Variants in EYS observed in about 807,000 individuals in gnomAD.
The protein encoded by EYS is protein eyes shut homolog.
In EYS, 250 loss-of-function variants were observed where a neutral mutation model predicts 282.1. The ratio of observed to expected loss-of-function variants is 0.89; its 90% confidence interval spans 0.80 to 0.98. EYS has a LOEUF of 0.98. EYS is among the 50% of genes least tolerant of loss of function. The pLI is 0.00. For synonymous variants in EYS, 1,355 were observed against 1,282.9 expected, an observed-to-expected ratio of 1.06 and a Z score of -1.20; for missense variants, 4,016 against 3,709.0, an observed-to-expected ratio of 1.08 and a Z score of -2.15.
intron 14 of EYS, among the ~76,000 whole-genome samples, chr6:64,963,632 T>C (rs1024728978): frequency 6.6e-6 from 1 of 152,120 alleles, no homozygotes; most frequent in Non-Finnish European, 1.5e-5. Context: ...AGTGGTAAAT[T>C]AGTGAGGAAG....
intron 13 of EYS, among the ~76,000 whole-genome samples, chr6:65,008,224 G>A (rs570978075): frequency 6.1e-4 from 93 of 152,224 alleles, no homozygotes; most frequent in African/African-American, 2.1e-3. Context: ...AAATCCTACC[G>A]CCTTTCTGGA....
chr6:63,847,573 T>A (rs1772132739), intron 36 of EYS, among the ~76,000 whole-genome samples: 1 of 152,210 alleles, frequency 6.6e-6, no homozygotes, highest in Admixed American at 6.5e-5. Flanking sequence ...ATTACCCAGT[T>A]AAATTATTTT....
At chr6:65,613,394 A>C (rs763436630) in intron 2 of EYS, among the ~76,000 whole-genome samples, 7 of 151,882 alleles carry the variant, frequency 4.6e-5, no homozygotes, top group Non-Finnish European at 7.4e-5. Context: ...ACTGTTCATC[A>C]TAGTAATTAT....
intron 36 of EYS, among the ~76,000 whole-genome samples, chr6:63,844,595 T>C (rs1384928583): frequency 6.6e-6 from 1 of 152,218 alleles, no homozygotes; most frequent in Non-Finnish European, 1.5e-5. Context: ...TTTGCATTTC[T>C]CTAATGATTA....
chr6:65,449,739 C>A (rs1764338178), intron 5 of EYS, among the ~76,000 whole-genome samples: 1 of 152,018 alleles, frequency 6.6e-6, no homozygotes, highest in Admixed American at 6.6e-5. Flanking sequence ...CCTTTACTTT[C>A]CTCAGAATAT....
intron 12 of EYS, among the ~76,000 whole-genome samples, chr6:65,272,667 C>A (rs2150267410): frequency 6.6e-6 from 1 of 152,188 alleles, no homozygotes; most frequent in South Asian, 2.1e-4. Context: ...TTAATCCATT[C>A]ATGTATTATA....
intron 36 of EYS, among the ~76,000 whole-genome samples, chr6:63,829,110 G>T (rs1342931954): frequency 6.6e-6 from 1 of 152,158 alleles, no homozygotes; most frequent in Non-Finnish European, 1.5e-5. Context: ...AGTGGCGGAG[G>T]TTCCAAGATG....
intron 30 of EYS, among the ~76,000 whole-genome samples, chr6:64,287,354 T>C (rs1768538180): frequency 3.3e-5 from 5 of 152,176 alleles, no homozygotes; most frequent in Non-Finnish European, 7.4e-5. Context: ...ATTAAAATGA[T>C]GCTATTTTTA....
intron 26 of EYS, among the ~76,000 whole-genome samples, chr6:64,505,893 G>T (rs1777193053): frequency 6.6e-6 from 1 of 152,158 alleles, no homozygotes; most frequent in Non-Finnish European, 1.5e-5. Flanking sequence ...ATTTGGCATT[G>T]TTGAAGGCAC....
chr6:64,138,855 A>T (rs937415398), intron 31 of EYS, among the ~76,000 whole-genome samples: 28 of 152,190 alleles, frequency 1.8e-4, no homozygotes, highest in Non-Finnish European at 2.9e-5. Flanking sequence ...AAGAAATTAA[A>T]ATCCGAAGCA....
At chr6:64,343,819 TA>T (rs1360551706) in intron 29 of EYS, among the ~76,000 whole-genome samples, 4 of 151,722 alleles carry the variant, frequency 2.6e-5, no homozygotes, top group Non-Finnish European at 5.9e-5. Context: ...GCCAGACTAA[TA>T]AAGAAGAAAA....
At chr6:64,465,117 C>T (rs1775874653) in intron 26 of EYS, among the ~76,000 whole-genome samples, 1 of 151,706 alleles carries the variant, frequency 6.6e-6, no homozygotes, top group African/African-American at 2.4e-5. Context: ...TGAAGAAACG[C>T]AAATAAAGAA....
In EYS at chr6:65,428,410, G is replaced by A. The variant is rs576407109; in HGVS notation, c.863-23043C>T. On this transcript the variant is annotated intron_variant, in intron 5 of 42. Coordinates refer to ENST00000503581, the MANE Select transcript of EYS (RefSeq NM_001142800.2). ...TAATTACATCAAACACTTGTATTGC[G>A]CTAATTATGTGCCAATCATTGCTAT... 4.5e-4 allele frequency among the ~76,000 whole-genome samples: 69 copies of A among 152,064 alleles called. 1 individual carries two copies. The highest frequency in any genetic ancestry group is 1.5e-3 in the African/African-American group (61 of 41,502).
At chr6:64,479,418 T>C (rs951809234) in intron 26 of EYS, among the ~76,000 whole-genome samples, 1 of 151,998 alleles carries the variant, frequency 6.6e-6, no homozygotes, top group African/African-American at 2.4e-5. Flanking sequence ...TTTCTAATTT[T>C]GCCATTTACT....
At chr6:65,118,632 C>T (rs1775446338) in intron 12 of EYS, among the ~76,000 whole-genome samples, 1 of 152,186 alleles carries the variant, frequency 6.6e-6, no homozygotes, top group Non-Finnish European at 1.5e-5. Context: ...CATCTGCACA[C>T]AGTTCACTAA....
intron 35 of EYS, among the ~76,000 whole-genome samples, chr6:63,941,058 C>T (rs577300285): frequency 6.6e-6 from 1 of 152,246 alleles, no homozygotes; most frequent in African/African-American, 2.4e-5. Flanking sequence ...GTATATGAGC[C>T]ACATTTTCTT....
At chr6:64,472,607 T>C (rs1475480003) in intron 26 of EYS, among the ~76,000 whole-genome samples, 1 of 152,170 alleles carries the variant, frequency 6.6e-6, no homozygotes, top group Non-Finnish European at 1.5e-5. Flanking sequence ...TGAGAAACCA[T>C]GTAAATATTT....
chr6:64,632,471 T>C (rs979540801), intron 22 of EYS, among the ~76,000 whole-genome samples: 6 of 152,054 alleles, frequency 3.9e-5, no homozygotes, highest in African/African-American at 1.4e-4. Context: ...CGGTTTGGAA[T>C]TTTTGCCTTG....
intron 22 of EYS, among the ~76,000 whole-genome samples, chr6:64,663,309 G>T (rs920490586): frequency 6.6e-6 from 1 of 152,136 alleles, no homozygotes; most frequent in Admixed American, 6.5e-5. Context: ...TCTCAAGAAA[G>T]TCTGAGTGAG....
Sources: allele counts gnomAD v4.1 joint callset (sites outside exome capture counted in the v4.1 genomes callset), GRCh38; gene constraint gnomAD v4.1.1; transcripts MANE v1.5; gene names NCBI Gene and HGNC (gene_info 2026-07-23, HGNC 2026-07-21).